FLYWCH2: variants seen among roughly 807,000 people sequenced by gnomAD.
The protein encoded by FLYWCH2 is FLYWCH family member 2.
FLYWCH2 carries 2 observed loss-of-function variants against 6.0 expected under a neutral mutation model. The observed-to-expected ratio is 0.33, with a 90% confidence interval of 0.14 to 1.04. FLYWCH2 has a LOEUF of 1.04. FLYWCH2 is among the 50% of genes least tolerant of loss of function. The probability of loss-of-function intolerance (pLI) is 0.45; values close to 1 mark genes in which losing one functional copy is unlikely to be tolerated. For synonymous variants in FLYWCH2, 87 were observed against 79.3 expected (o/e 1.10, Z -0.52); for missense variants, 192 against 183.4 (o/e 1.05, Z -0.27).
chr16:2,885,329 C>G (rs200759824), intron 1 of FLYWCH2, among the ~76,000 whole-genome samples: 1 of 42,406 alleles, frequency 2.4e-5, no homozygotes, highest in Non-Finnish European at 5.9e-5. Flanking sequence ...AAAAACAAAA[C>G]AAAACAAAAA....
chr16:2,883,704 G>C lies in FLYWCH2; in HGVS notation c.-200+338G>C, dbSNP rs796886634. ...CTCGTCCCACGGTTGCAGCTCGGGAGGTCCCTGCAGGGACGGCAGCGAGTT... is the reference window on the plus strand; with the variant it reads ...CTCGTCCCACGGTTGCAGCTCGGGACGTCCCTGCAGGGACGGCAGCGAGTT... On this transcript the variant is annotated intron_variant, in intron 1 of 3. Transcript: ENST00000396958. 5.3e-5 allele frequency among the ~76,000 whole-genome samples: 8 copies of C among 152,352 alleles called. No individual in the cohort carries two copies. The South Asian group carries it at 1.2e-3, about 24-fold the overall frequency.
intron 1 of FLYWCH2, among the ~76,000 whole-genome samples, chr16:2,894,549 CT>C (rs1291816459): frequency 6.6e-6 from 1 of 152,208 alleles, no homozygotes; most frequent in Non-Finnish European, 1.5e-5. Flanking sequence ...CCACATCGCC[CT>C]GTGAGGCAGA....
chr16:2,899,363 T>G lies in FLYWCH2; in HGVS notation c.*214T>G, dbSNP rs2069859722. On this transcript the variant is annotated 3_prime_UTR_variant, in exon 4 of 4. Coordinates refer to ENST00000396958, the MANE Select transcript of FLYWCH2 (RefSeq NM_138439.3). Reference sequence around the variant, plus strand: ...AAAAGAAGCTGTTCGCTAGACCCCATAATGGGCAGGTTTTAAACATCCCAG... The same window carrying G: ...AAAAGAAGCTGTTCGCTAGACCCCAGAATGGGCAGGTTTTAAACATCCCAG... 1 of 442,742 alleles carries G rather than the reference T, an allele frequency of 2.3e-6. No individual in the cohort carries two copies. Among genetic ancestry groups the G allele is most frequent in the Admixed American group, 4.4e-5 (1 of 22,582 alleles). The allele number at this position is 442,742 out of a possible 1,614,324, so 27.4% of individuals were successfully genotyped here. A position where few individuals can be genotyped will look rare whatever the true frequency, so the allele number is the denominator to read the frequency against.
intron 1 of FLYWCH2, among the ~76,000 whole-genome samples, chr16:2,894,548 C>T (rs1374959626): frequency 2.0e-5 from 3 of 152,212 alleles, no homozygotes; most frequent in African/African-American, 7.2e-5. Flanking sequence ...CCCACATCGC[C>T]CTGTGAGGCA....
rs752621116 is a variant in FLYWCH2 at position 2,896,485 on chromosome 16, G to A, written c.36G>A (p.Glu12=). The A allele has an allele frequency of 6.2e-7, 1 of 1,613,762 alleles. No homozygotes were observed. Among genetic ancestry groups the A allele is most frequent in the Admixed American group, 1.7e-5 (1 of 59,986 alleles). ...CCGAGCCCAGCGAGCAGGAGGGTGA[G>A]AGTGTGAAGGCCAGCCAGGAGCCAT... The part of the protein sequence containing the change: ...PLPEPSEQEG[E]SVKASQEPSP... The change falls in exon 3 of 4, where the codon GAG becomes GAA. Residue 12 remains glutamate, a synonymous_variant. Coordinates refer to ENST00000396958, the MANE Select transcript of FLYWCH2 (RefSeq NM_138439.3).
chr16:2,893,578 A>G (rs1163965020), intron 1 of FLYWCH2, among the ~76,000 whole-genome samples: 2 of 147,974 alleles, frequency 1.4e-5, no homozygotes, highest in Non-Finnish European at 3.0e-5. Flanking sequence ...TTCGTTTAAT[A>G]TGGGGTTTGA....
rs76446842 is a variant in FLYWCH2 at position 2,899,268 on chromosome 16, C to CTTTT, written c.*133_*136dup. 330 of 424,460 alleles carry CTTTT rather than the reference C, an allele frequency of 7.8e-4. No homozygotes were observed. The highest frequency in any genetic ancestry group is 1.2e-3 in the Middle Eastern group (2 of 1,682). 26.3% of individuals were successfully genotyped at this position (424,460 alleles called of 1,614,324 possible). On this transcript the variant is annotated 3_prime_UTR_variant, in exon 4 of 4. Coordinates refer to ENST00000396958, the MANE Select transcript of FLYWCH2 (RefSeq NM_138439.3). ...CTTTTAACATTGTGTGATTTCTTTT[C>CTTTT]TTTTTTTTTTTTTTTTTAGATCAAG...
chr16:2,898,979 AC>A, intron 3 of FLYWCH2, 69 bp from the exon 4 acceptor site: 1 of 1,260,534 alleles, frequency 7.9e-7, no homozygotes, highest in Non-Finnish European at 1.1e-6. Context: ...GGCCTGGTAG[AC>A]CCCCAACAGC....
At position 2,896,476 on chromosome 16, in the gene FLYWCH2, G is replaced by C. The variant is rs766110558; in HGVS notation, c.27G>C (p.Gln9His). Residue 9 changes from glutamine to histidine, a missense_variant, in exon 3 of 4, where the codon CAG becomes CAC. Coordinates refer to ENST00000396958, the MANE Select transcript of FLYWCH2 (RefSeq NM_138439.3). ...TGCCCCTGCCCGAGCCCAGCGAGCAGGAGGGTGAGAGTGTGAAGGCCAGCC... is the reference window on the plus strand; with the variant it reads ...TGCCCCTGCCCGAGCCCAGCGAGCACGAGGGTGAGAGTGTGAAGGCCAGCC... Reference protein sequence around the residue: MPLPEPSEQEGESVKASQE... With the variant: MPLPEPSEHEGESVKASQE... The C allele has an allele frequency of 6.2e-7, 1 of 1,613,700 alleles. No individual in the cohort carries two copies. The highest frequency in any genetic ancestry group is 8.5e-7 in the Non-Finnish European group (1 of 1,179,818).
chr16:2,884,568 A>AAAAAAAAAAAAAAC (rs1351164807), intron 1 of FLYWCH2, among the ~76,000 whole-genome samples: 32 of 145,288 alleles, frequency 2.2e-4, no homozygotes, highest in Non-Finnish European at 4.5e-4. Flanking sequence ...TAAAAAAAAA[A>AAAAAAAAAAAAAAC]AAAAAAAAAT....
At chr16:2,890,516 G>A (rs1304359089) in intron 1 of FLYWCH2, among the ~76,000 whole-genome samples, 1 of 151,746 alleles carries the variant, frequency 6.6e-6, no homozygotes, top group African/African-American at 2.4e-5. Flanking sequence ...CTGATTTCAA[G>A]CGATTCTCCT....
chr16:2,886,119 C>T (rs1198767725), intron 1 of FLYWCH2, among the ~76,000 whole-genome samples: 9 of 152,028 alleles, frequency 5.9e-5, no homozygotes, highest in Non-Finnish European at 1.3e-4. Flanking sequence ...ATATATTAGC[C>T]ATTTGTATAT....
chr16:2,892,330 A>G (rs2069767048), intron 1 of FLYWCH2, among the ~76,000 whole-genome samples: 2 of 151,468 alleles, frequency 1.3e-5, no homozygotes, highest in Admixed American at 6.6e-5. Context: ...CCCCATCTCC[A>G]CTAAAAATAC....
chr16:2,884,265 C>T (rs1052106118), intron 1 of FLYWCH2, among the ~76,000 whole-genome samples: 2 of 152,020 alleles, frequency 1.3e-5, no homozygotes, highest in South Asian at 2.1e-4. Context: ...CTGAGGATGC[C>T]GGTGCTGGTG....
At chr16:2,896,827 A>T in intron 3 of FLYWCH2, 56 bp downstream of exon 3, 1 of 1,501,872 alleles carries the variant, frequency 6.7e-7, no homozygotes, top group Non-Finnish European at 9.0e-7. Context: ...GGTGGCCCCC[A>T]CAGCCGCGCT....
intron 3 of FLYWCH2, 73 bp from the exon 4 acceptor site, chr16:2,898,976 T>C: frequency 8.1e-7 from 1 of 1,238,422 alleles, no homozygotes; most frequent in Non-Finnish European, 1.1e-6. Flanking sequence ...TGAGGCCTGG[T>C]AGACCCCCAA....
chr16:2,896,390 A>G lies in FLYWCH2; in HGVS notation c.-60A>G. On this transcript the variant is annotated 5_prime_UTR_variant, in exon 3 of 4. Coordinates refer to ENST00000396958, the MANE Select transcript of FLYWCH2 (RefSeq NM_138439.3). Reference sequence around the variant, plus strand: ...GACTCCAGGTTCCTTGCCTGGGAGTAGGAGAAATCCACCTGCTGGGGGCTG... The same window carrying G: ...GACTCCAGGTTCCTTGCCTGGGAGTGGGAGAAATCCACCTGCTGGGGGCTG... The G allele has an allele frequency of 6.5e-7, 1 of 1,529,340 alleles. No homozygotes were observed. The highest frequency in any genetic ancestry group is 1.3e-5 in the South Asian group (1 of 78,618). 94.7% of individuals were successfully genotyped at this position (1,529,340 alleles called of 1,614,324 possible).
intron 2 of FLYWCH2, among the ~76,000 whole-genome samples, chr16:2,896,077 G>T (rs773501348): frequency 1.3e-5 from 2 of 152,242 alleles, no homozygotes; most frequent in Admixed American, 6.5e-5. Flanking sequence ...TAGTGGCTGA[G>T]TTCTTAGTCC....
chr16:2,894,856 G>A (rs8044279), intron 1 of FLYWCH2, among the ~76,000 whole-genome samples: 61,958 of 151,924 alleles, frequency 0.41, 12,927 homozygotes, highest in Non-Finnish European at 0.45. Context: ...TAGAAAAAGC[G>A]CCAGGGTGCT....
Sources: allele counts gnomAD v4.1 joint callset (sites outside exome capture counted in the v4.1 genomes callset), GRCh38; gene constraint gnomAD v4.1.1; transcripts MANE v1.5; gene names NCBI Gene and HGNC (gene_info 2026-07-23, HGNC 2026-07-21).